TMTC2: variants seen among roughly 807,000 people sequenced by gnomAD.
TMTC2 encodes protein O-mannosyl-transferase TMTC2.
In TMTC2, 43 loss-of-function variants were observed where a neutral mutation model predicts 82.4. That is an observed-to-expected ratio of 0.52 (90% CI 0.41 to 0.67). The LOEUF (loss-of-function observed/expected upper bound fraction) is 0.67. Ranked by LOEUF, TMTC2 falls within the 30% of genes least tolerant of loss-of-function variation. The probability of loss-of-function intolerance (pLI) is 0.00; values close to 1 mark genes in which losing one functional copy is unlikely to be tolerated. For missense variants in TMTC2, 919 were observed against 1,012.4 expected (o/e 0.91, Z 1.25); for synonymous variants, 408 against 381.9 (o/e 1.07, Z -0.80).
chr12:83,058,771 T>C (rs1328545818), intron 10 of TMTC2, among the ~76,000 whole-genome samples: 2 of 151,830 alleles, frequency 1.3e-5, no homozygotes, highest in Admixed American at 1.3e-4. Context: ...GCCAGCAAGA[T>C]TTCTTGCAGA....
intron 3 of TMTC2, among the ~76,000 whole-genome samples, chr12:82,903,619 TGGA>T (rs1874144626): frequency 6.6e-6 from 1 of 152,132 alleles, no homozygotes; most frequent in South Asian, 2.1e-4. Context: ...TTCACCGTGT[TGGA>T]CAGGATGGTC....
chr12:82,940,383 A>G (rs1228561757), intron 4 of TMTC2, among the ~76,000 whole-genome samples: 2 of 151,956 alleles, frequency 1.3e-5, no homozygotes, highest in Non-Finnish European at 2.9e-5. Context: ...TTGGTTCTCA[A>G]AGGTCTCACA....
intron 3 of TMTC2, among the ~76,000 whole-genome samples, chr12:82,904,212 A>G (rs1874173602): frequency 6.6e-6 from 1 of 152,174 alleles, no homozygotes; most frequent in African/African-American, 2.4e-5. Flanking sequence ...AGTCTTATGT[A>G]TGTATGGTTT....
intron 3 of TMTC2, among the ~76,000 whole-genome samples, chr12:82,905,286 A>G (rs1166399934): frequency 6.6e-6 from 1 of 152,210 alleles, no homozygotes; most frequent in Non-Finnish European, 1.5e-5. Flanking sequence ...TAATTGTAGT[A>G]TATATGGCAG....
In TMTC2 at chr12:82,930,565, C is replaced by G. The variant is rs1207980416; in HGVS notation, c.1598+20C>G. The G allele has an allele frequency of 6.6e-7, 1 of 1,526,630 alleles. No individual in the cohort carries two copies. The highest frequency in any genetic ancestry group is 1.8e-5 in the Admixed American group (1 of 56,854). 94.6% of individuals were successfully genotyped at this position (1,526,630 alleles called of 1,614,324 possible). A position where few individuals can be genotyped will look rare whatever the true frequency, so the allele number is the denominator to read the frequency against. On this transcript the variant is annotated intron_variant, in intron 4 of 11. Coordinates refer to ENST00000321196, the MANE Select transcript of TMTC2 (RefSeq NM_152588.3). ...TAATTTGTGAGTATGCCTTGCTTCTCTGGTTTGGTTCGTCTTTGAAACCTG... is the reference window on the plus strand; with the variant it reads ...TAATTTGTGAGTATGCCTTGCTTCTGTGGTTTGGTTCGTCTTTGAAACCTG...
chr12:83,012,659 A>G (rs1880511253), intron 8 of TMTC2, among the ~76,000 whole-genome samples: 1 of 152,170 alleles, frequency 6.6e-6, no homozygotes, highest in South Asian at 2.1e-4. Flanking sequence ...GATAACATAG[A>G]AGAGTATGAT....
intron 11 of TMTC2, among the ~76,000 whole-genome samples, chr12:83,122,202 G>A (rs1170599874): frequency 6.6e-6 from 1 of 151,770 alleles, no homozygotes; most frequent in African/African-American, 2.4e-5. Flanking sequence ...CTGTTTCCAG[G>A]CAGTGGGCAG....
chr12:82,994,646 G>A (rs1339896537), intron 8 of TMTC2, among the ~76,000 whole-genome samples: 11 of 144,814 alleles, frequency 7.6e-5, no homozygotes, highest in Admixed American at 6.8e-4. Flanking sequence ...AAAAAAAAAA[G>A]GCAGTCCTGT....
intron 11 of TMTC2, among the ~76,000 whole-genome samples, chr12:83,130,380 A>C (rs1325069121): frequency 6.6e-6 from 1 of 152,190 alleles, no homozygotes; most frequent in Non-Finnish European, 1.5e-5. Flanking sequence ...GGAGCTTTTC[A>C]CTGCACATGT....
intron 11 of TMTC2, among the ~76,000 whole-genome samples, chr12:83,093,003 C>A (rs1387681622): frequency 1.3e-5 from 2 of 152,140 alleles, no homozygotes; most frequent in African/African-American, 4.8e-5. Context: ...TCAAAGGGCT[C>A]GCTCTCCAAT....
chr12:82,859,745 G>A (rs1021224922), intron 2 of TMTC2, among the ~76,000 whole-genome samples: 4 of 152,100 alleles, frequency 2.6e-5, no homozygotes, highest in African/African-American at 4.8e-5. Flanking sequence ...ACTTAATACT[G>A]TTGAAGGTTC....
chr12:82,794,906 T>C (rs1315948315), intron 1 of TMTC2, among the ~76,000 whole-genome samples: 1 of 152,248 alleles, frequency 6.6e-6, no homozygotes, highest in East Asian at 1.9e-4. Context: ...AAGGTAGCAG[T>C]GATGCTAATA....
At chr12:82,999,288 C>T (rs1021020695) in intron 8 of TMTC2, among the ~76,000 whole-genome samples, 6 of 152,110 alleles carry the variant, frequency 3.9e-5, no homozygotes, top group South Asian at 2.1e-4. Context: ...TATTTTGTCA[C>T]GATTAGACTT....
At chr12:82,974,763 CA>C (rs1281914966) in intron 7 of TMTC2, among the ~76,000 whole-genome samples, 4 of 152,138 alleles carry the variant, frequency 2.6e-5, no homozygotes, top group Non-Finnish European at 5.9e-5. Context: ...GAAGCATGGA[CA>C]GCCTTGTAGA....
chr12:83,132,340 A>G lies in TMTC2; in HGVS notation c.2462A>G (p.Lys821Arg). 1 of 1,614,070 alleles carries G rather than the reference A, an allele frequency of 6.2e-7. No individual in the cohort carries two copies. The highest frequency in any genetic ancestry group is 8.5e-7 in the Non-Finnish European group (1 of 1,179,994). The part of the protein sequence containing the change: ...DDVITQSNLR[K>R]LWNIMEKQGL... ...GTCATCACACAGTCCAATCTCCGCA[A>G]ACTGTGGAACATCATGGAAAAACAA... Residue 821 changes from lysine (K) to arginine (R), a missense_variant, in exon 12 of 12, where the codon AAA (lysine) becomes AGA (arginine). Lys to Arg is a conservative substitution (Grantham distance 26). Transcript: ENST00000321196.
chr12:82,855,081 A>C (rs531415514), intron 1 of TMTC2, among the ~76,000 whole-genome samples: 2 of 152,324 alleles, frequency 1.3e-5, no homozygotes, highest in African/African-American at 4.8e-5. Flanking sequence ...ACAATTATAC[A>C]TGTTTATTAA....
intron 2 of TMTC2, among the ~76,000 whole-genome samples, chr12:82,865,185 C>T (rs1430900335): frequency 1.3e-5 from 2 of 152,002 alleles, no homozygotes; most frequent in African/African-American, 2.4e-5. Context: ...GAGATCGCGT[C>T]GCTGCACTCC....
At chr12:83,002,764 G>A (rs1879983771) in intron 8 of TMTC2, among the ~76,000 whole-genome samples, 2 of 142,852 alleles carry the variant, frequency 1.4e-5, no homozygotes, top group African/African-American at 2.5e-5. Context: ...GTCTGAGAGT[G>A]TGTTTGGTAA....
At chr12:82,863,422 A>C (rs1592583683) in intron 2 of TMTC2, among the ~76,000 whole-genome samples, 1 of 152,194 alleles carries the variant, frequency 6.6e-6, no homozygotes, top group Non-Finnish European at 1.5e-5. Flanking sequence ...TCCTCCCAGT[A>C]AACTTGTGGC....
Sources: gnomAD v4.1 joint callset for allele counts (sites outside exome capture counted in the v4.1 genomes callset) on GRCh38, gnomAD v4.1.1 for gene constraint, MANE v1.5 for transcripts, NCBI Gene and HGNC (gene_info 2026-07-23, HGNC 2026-07-21) for gene names.